DISC1: variants seen among roughly 807,000 people sequenced by gnomAD.
DISC1 encodes the protein disrupted in schizophrenia 1 protein.
Under a neutral mutation model 84.5 loss-of-function variants are expected in DISC1, and 57 were observed. That is an observed-to-expected ratio of 0.67 (90% CI 0.55 to 0.84). The LOEUF is 0.84. Among genes scored for constraint, DISC1 ranks in the 40% least tolerant of loss-of-function variants. The pLI is 0.00. For synonymous variants in DISC1, 411 were observed against 415.2 expected, an observed-to-expected ratio of 0.99 and a Z score of 0.12; for missense variants, 1,000 against 1,057.8, an observed-to-expected ratio of 0.95 and a Z score of 0.76.
At chr1:231,947,141 A>T (rs1458158586) in intron 9 of DISC1, among the ~76,000 whole-genome samples, 1 of 140,846 alleles carries the variant, frequency 7.1e-6, no homozygotes, top group African/African-American at 2.5e-5. Context: ...AAGAGCCCAC[A>T]TAGCCAAGAC....
chr1:231,918,689 C>G (rs191432595), intron 9 of DISC1, among the ~76,000 whole-genome samples: 1 of 152,316 alleles, frequency 6.6e-6, no homozygotes, highest in Admixed American at 6.5e-5. Context: ...CTCTTTTGCT[C>G]TGAGGATTCC....
At chr1:231,958,457 G>C (rs1030848014) in intron 9 of DISC1, among the ~76,000 whole-genome samples, 3 of 152,192 alleles carry the variant, frequency 2.0e-5, no homozygotes, top group Admixed American at 1.3e-4. Context: ...TCATTACACT[G>C]TCAGGTTCTC....
Position 231,771,381 on chromosome 1 carries a change from A to G in DISC1, c.1634+311A>G, listed in dbSNP as rs530054217. The G allele has an allele frequency of 1.8e-5, 18 of 985,350 alleles. No homozygotes were observed. The African/African-American group carries it at 3.1e-4, about 17-fold the overall frequency. The allele number at this position is 985,350 out of a possible 1,614,324, so 61.0% of individuals were successfully genotyped here. On this transcript the variant is annotated intron_variant, in intron 6 of 12. Transcript: ENST00000439617. ...TCCCTTTGAGAACTGTTGGAATTCAATTGGTTAGAGATCCTAATGCCAACT... is the reference window on the plus strand; with the variant it reads ...TCCCTTTGAGAACTGTTGGAATTCAGTTGGTTAGAGATCCTAATGCCAACT...
chr1:231,829,903 G>A (rs1035478743), intron 9 of DISC1, among the ~76,000 whole-genome samples: 1 of 152,052 alleles, frequency 6.6e-6, no homozygotes, highest in African/African-American at 2.4e-5. Flanking sequence ...GGGAGCTTTT[G>A]AGCCAGGATG....
Position 231,944,119 on chromosome 1 carries a change from C to T in DISC1, c.1982-14709C>T, listed in dbSNP as rs971007590. Among the ~76,000 whole-genome samples the T allele has an allele frequency of 2.6e-5, 4 of 152,306 alleles. No individual in the cohort carries two copies. In the South Asian group the frequency reaches 8.3e-4, roughly 32 times the overall value. On this transcript the variant is annotated intron_variant, in intron 9 of 12. Coordinates refer to ENST00000439617, the MANE Select transcript of DISC1 (RefSeq NM_018662.3). ...ACTCTATATCAGAAAGCAGAGGTGC[C>T]AGAGCACTGGTCCACTGAACCCAGC...
intron 1 of DISC1, among the ~76,000 whole-genome samples, chr1:231,640,828 G>A (rs923219056): frequency 1.3e-5 from 2 of 152,128 alleles, no homozygotes; most frequent in Non-Finnish European, 2.9e-5. Context: ...GAGCCACCAC[G>A]CTGTGCCCCT....
intron 9 of DISC1, among the ~76,000 whole-genome samples, chr1:231,885,944 T>C (rs1486644061): frequency 6.6e-6 from 1 of 152,164 alleles, no homozygotes; most frequent in Non-Finnish European, 1.5e-5. Context: ...CAGAAACATA[T>C]TTCCTCATCA....
In DISC1 at chr1:231,694,623, C is replaced by T. The variant is rs201677901; in HGVS notation, c.865C>T (p.Arg289Cys). ...CGCAAGGAACAGCTCCAGGCCAGAG[C>T]GTGACATGCATTCTTTACCAGACAT... is the stretch of plus-strand genomic sequence containing the variant. ...QAARNSSRPERDMHSLPDMDP... is the reference protein window; with the variant it reads ...QAARNSSRPECDMHSLPDMDP... Residue 289 changes from arginine (R) to cysteine (C), a missense_variant, in exon 2 of 13, where the codon CGT (arginine) becomes TGT (cysteine). Arg to Cys is a radical substitution (Grantham distance 180, BLOSUM62 -3). Coordinates refer to ENST00000439617, the MANE Select transcript of DISC1 (RefSeq NM_018662.3). 3.1e-5 allele frequency: 50 copies of T among 1,614,154 alleles called. No individual in the cohort carries two copies. The East Asian group carries it at 4.7e-4, about 15-fold the overall frequency.
At chr1:231,702,394 G>A (rs1046491227) in intron 3 of DISC1, 1 of 1,005,902 alleles carries the variant, frequency 9.9e-7, no homozygotes. Context: ...GGAGACAATA[G>A]GAAAGTAAGA....
intron 9 of DISC1, among the ~76,000 whole-genome samples, chr1:231,896,653 A>G (rs1474721377): frequency 1.3e-5 from 2 of 152,154 alleles, no homozygotes; most frequent in East Asian, 1.9e-4. Context: ...CAGGGACCCA[A>G]AATATCTTCT....
At chr1:231,983,352 C>G (rs1303857244) in intron 10 of DISC1, among the ~76,000 whole-genome samples, 2 of 151,144 alleles carry the variant, frequency 1.3e-5, no homozygotes, top group African/African-American at 4.9e-5. Flanking sequence ...TTGCAGGAGT[C>G]AGGGGGTGCA....
At chr1:231,804,528 G>C (rs2079554675) in intron 8 of DISC1, among the ~76,000 whole-genome samples, 1 of 148,784 alleles carries the variant, frequency 6.7e-6, no homozygotes, top group Non-Finnish European at 1.5e-5. Context: ...TAAGATCATA[G>C]TTGACTGCAG....
chr1:231,792,686 G>A (rs1370220144), intron 6 of DISC1, among the ~76,000 whole-genome samples: 1 of 152,222 alleles, frequency 6.6e-6, no homozygotes, highest in African/African-American at 2.4e-5. Context: ...ATCAGAGGAA[G>A]AACCAGTACG....
chr1:232,030,762 G>A (rs1669935609), intron 12 of DISC1, among the ~76,000 whole-genome samples: 1 of 152,156 alleles, frequency 6.6e-6, no homozygotes, highest in Non-Finnish European at 1.5e-5. Flanking sequence ...GAGCTGAGGG[G>A]CTGGAAGAGG....
At chr1:231,748,190 A>T (rs1235691491) in intron 3 of DISC1, among the ~76,000 whole-genome samples, 2 of 152,184 alleles carry the variant, frequency 1.3e-5, no homozygotes, top group Non-Finnish European at 2.9e-5. Context: ...AATAGGGACA[A>T]TTTAACTTCT....
At chr1:231,677,975 G>GA (rs913370479) in intron 1 of DISC1, among the ~76,000 whole-genome samples, 36 of 146,490 alleles carry the variant, frequency 2.5e-4, no homozygotes, top group East Asian at 2.0e-3. Flanking sequence ...GTGTCTCAAA[G>GA]AAAAAAAAAA....
At chr1:231,996,670 C>T (rs1043651416) in intron 10 of DISC1, among the ~76,000 whole-genome samples, 12 of 152,140 alleles carry the variant, frequency 7.9e-5, no homozygotes, top group Non-Finnish European at 1.6e-4. Context: ...CCCAGAGCAC[C>T]ATTCCCCATA....
At chr1:231,731,011 G>C (rs1383836927) in intron 3 of DISC1, among the ~76,000 whole-genome samples, 1 of 151,686 alleles carries the variant, frequency 6.6e-6, no homozygotes, top group Non-Finnish European at 1.5e-5. Context: ...ACAGTTTTTT[G>C]TGTAGGCATG....
intron 9 of DISC1, among the ~76,000 whole-genome samples, chr1:231,844,578 A>G (rs2083308426): frequency 6.6e-6 from 1 of 152,198 alleles, no homozygotes; most frequent in African/African-American, 2.4e-5. Context: ...AGGCAGGACA[A>G]CTTGAAGCAA....
Sources: allele counts gnomAD v4.1 joint callset (sites outside exome capture counted in the v4.1 genomes callset), GRCh38; gene constraint gnomAD v4.1.1; transcripts MANE v1.5; gene names NCBI Gene and HGNC (gene_info 2026-07-23, HGNC 2026-07-21).